The following OARD1 variants were observed in gnomAD, a reference collection of about 807,000 sequenced individuals.
The protein encoded by OARD1 is O-acyl-ADP-ribose deacylase 1.
A neutral mutation model predicts 19.7 loss-of-function variants in OARD1; 19 were observed. The ratio of observed to expected loss-of-function variants is 0.96; its 90% CI spans 0.67 to 1.41. OARD1 has a LOEUF of 1.41. Ranked by LOEUF, OARD1 falls within the 40% of genes most tolerant of loss-of-function variation. The pLI, the probability that OARD1 is intolerant of heterozygous loss-of-function variation, is 0.00. For synonymous variants in OARD1, 70 were observed against 61.8 expected (o/e 1.13, Z -0.62); for missense variants, 190 against 183.8 (o/e 1.03, Z -0.20).
rs1763079358 is a variant in OARD1 at position 41,067,517 on chromosome 6, C to G, written c.357-80G>C. On this transcript the variant is annotated intron_variant, in intron 5 of 5. Coordinates refer to ENST00000424266, the MANE Select transcript of OARD1 (RefSeq NM_001329686.2). The stretch of plus-strand genomic sequence containing the variant: ...TCCTCTCTTTTAAGCTATATCCACT[C>G]AAAGCATAAAAACAAATAATCTAGT... 6 of 939,752 alleles carry G rather than the reference C, an allele frequency of 6.4e-6. No homozygotes were observed. In the South Asian group the frequency reaches 8.8e-5, roughly 14 times the overall value. 58.2% of individuals were successfully genotyped at this position (939,752 alleles called of 1,614,324 possible).
chr6:41,092,857 G>C, intron 1 of OARD1: 1 of 1,539,576 alleles, frequency 6.5e-7, no homozygotes, highest in Non-Finnish European at 8.8e-7. Flanking sequence ...CCAAGAAACT[G>C]TTTCTATGTC....
chr6:41,070,646 A>G (rs1324778583), intron 3 of OARD1, among the ~76,000 whole-genome samples: 3 of 152,248 alleles, frequency 2.0e-5, no homozygotes, highest in Non-Finnish European at 4.4e-5. Context: ...TCTAAGGCTA[A>G]GAATCACTGT....
chr6:41,078,442 T>C (rs1428079544), intron 1 of OARD1, among the ~76,000 whole-genome samples: 2 of 152,030 alleles, frequency 1.3e-5, no homozygotes, highest in African/African-American at 4.8e-5. Context: ...ATATCTGTCC[T>C]CCCTCCCATA....
chr6:41,092,077 CA>C (rs533265833), intron 1 of OARD1, among the ~76,000 whole-genome samples: 1 of 149,766 alleles, frequency 6.7e-6, no homozygotes, highest in Non-Finnish European at 1.5e-5. Context: ...ATAGAGAAAC[CA>C]AAAAAAAAGT....
Position 41,067,260 on chromosome 6 carries a change from G to A in OARD1, c.*75C>T. The A allele has an allele frequency of 2.4e-6, 2 of 844,854 alleles. No individual in the cohort carries two copies. Among genetic ancestry groups the A allele is most frequent in the South Asian group, 1.6e-5 (1 of 61,344 alleles). 52.3% of individuals were successfully genotyped at this position (844,854 alleles called of 1,614,324 possible). ...TGAAACTTTCCTCTGCCTATTTTAA[G>A]GTAGGTTTGCCCGGTCCTATGGCCC... On this transcript the variant is annotated 3_prime_UTR_variant, in exon 6 of 6. Coordinates refer to ENST00000424266, the MANE Select transcript of OARD1 (RefSeq NM_001329686.2).
At chr6:41,071,522 TAA>T (rs1033230612) in intron 2 of OARD1, 72 bp downstream of exon 2, 175 of 1,281,484 alleles carry the variant, frequency 1.4e-4, no homozygotes, top group Non-Finnish European at 1.8e-4. Flanking sequence ...TTAATTTAAT[TAA>T]AAAGTGTTTA....
intron 1 of OARD1, among the ~76,000 whole-genome samples, chr6:41,093,449 G>A (rs548597876): frequency 6.6e-6 from 1 of 152,016 alleles, no homozygotes; most frequent in South Asian, 2.1e-4. Context: ...TAGGAAGAAA[G>A]GGAACAAGAA....
chr6:41,067,454 A>G lies in OARD1; in HGVS notation c.357-17T>C. The G allele has an allele frequency of 1.3e-6, 2 of 1,530,732 alleles. No homozygotes were observed. Among genetic ancestry groups the G allele is most frequent in the Non-Finnish European group, 1.8e-6 (2 of 1,104,772 alleles). 94.8% of individuals were successfully genotyped at this position (1,530,732 alleles called of 1,614,324 possible). The stretch of plus-strand genomic sequence containing the variant: ...CATCCAATCCTGAAAAAGACAAAAT[A>G]TCTCCATTGATGGTAACGAAAGTAT... On this transcript the variant is annotated splice_polypyrimidine_tract_variant and intron_variant, in intron 5 of 5. Transcript: ENST00000424266.
chr6:41,069,762 C>T, intron 4 of OARD1: 1 of 341,162 alleles, frequency 2.9e-6, no homozygotes, highest in Non-Finnish European at 5.4e-6. Context: ...TTGTTTTTAT[C>T]TCACTCTGCC....
chr6:41,092,605 T>C (rs1262378024), intron 1 of OARD1, among the ~76,000 whole-genome samples: 5 of 152,210 alleles, frequency 3.3e-5, no homozygotes, highest in Non-Finnish European at 4.4e-5. Context: ...TTTTGTCTTA[T>C]GACTACTGTT....
intron 1 of OARD1, chr6:41,097,300 A>C: frequency 6.6e-7 from 1 of 1,525,360 alleles, no homozygotes; most frequent in South Asian, 1.1e-5. Flanking sequence ...AGTGAGAGCC[A>C]TGAGTTCCTG....
chr6:41,071,812 G>A (rs1379892694), intron 1 of OARD1, 137 bp from the exon 2 acceptor site: 6 of 592,658 alleles, frequency 1.0e-5, no homozygotes, highest in African/African-American at 3.7e-5. Context: ...CCCCTGGGAC[G>A]TAATACAAAA....
upstream of OARD1, chr6:41,075,732 C>CG (rs1457408290): frequency 9.1e-5 from 1 of 10,942 alleles, no homozygotes; most frequent in African/African-American, 5.0e-4. Context: ...TCAAGTAGTA[C>CG]CTTTTTTTTT....
At chr6:41,071,024 C>T (rs760778790) in intron 3 of OARD1, 108 bp downstream of exon 3, 5 of 1,197,190 alleles carry the variant, frequency 4.2e-6, no homozygotes, top group South Asian at 1.2e-5. Context: ...ATCTTAAAAA[C>T]ATTTGGTTCT....
upstream of OARD1, among the ~76,000 whole-genome samples, chr6:41,077,135 A>C (rs998051265): frequency 6.6e-6 from 1 of 151,988 alleles, no homozygotes; most frequent in Non-Finnish European, 1.5e-5. Context: ...TTAGTCAAGG[A>C]AAAAATCTCA....
intron 1 of OARD1, chr6:41,071,945 C>T: frequency 2.6e-6 from 1 of 390,554 alleles, no homozygotes; most frequent in Non-Finnish European, 4.7e-6. Flanking sequence ...TAAGACACGC[C>T]TCCTCCTTTC....
At chr6:41,093,424 G>C (rs552575563) in intron 1 of OARD1, among the ~76,000 whole-genome samples, 1 of 151,644 alleles carries the variant, frequency 6.6e-6, no homozygotes, top group East Asian at 1.9e-4. Flanking sequence ...CAAGATTCCT[G>C]CTTAGGCTCC....
intron 1 of OARD1, among the ~76,000 whole-genome samples, chr6:41,087,339 T>C (rs1427980278): frequency 3.3e-5 from 5 of 152,224 alleles, no homozygotes; most frequent in Non-Finnish European, 5.9e-5. Flanking sequence ...ATGGAACCCA[T>C]TGACCTGTTT....
Position 41,065,190 on chromosome 6 carries a change from A to T in OARD1, c.*2145T>A, listed in dbSNP as rs1283798490. The T allele has an allele frequency of 6.6e-6, 1 of 152,238 alleles. No individual in the cohort carries two copies. The highest frequency in any genetic ancestry group is 1.5e-5 in the Non-Finnish European group (1 of 68,038). The allele number at this position is 152,238 out of a possible 1,614,324, so 9.4% of individuals were successfully genotyped here. A position where few individuals can be genotyped will look rare whatever the true frequency, so the allele number is the denominator to read the frequency against. On this transcript the variant is annotated 3_prime_UTR_variant, in exon 6 of 6. Transcript: ENST00000424266. ...GAATGAGACTAGGTTTTGTCTAAAG[A>T]ATCAAGGCTCAAACGCCAAGAAAAA...
Sources: gnomAD v4.1 joint callset for allele counts (sites outside exome capture counted in the v4.1 genomes callset) on GRCh38, gnomAD v4.1.1 for gene constraint, MANE v1.5 for transcripts, NCBI Gene and HGNC (gene_info 2026-07-23, HGNC 2026-07-21) for gene names.